Variants in DGKB observed in about 807,000 individuals in gnomAD.
The protein encoded by DGKB is 90 kDa diacylglycerol kinase.
DGKB carries 67 observed loss-of-function variants against 114.3 expected under a neutral mutation model. The observed-to-expected ratio is 0.59, with a 90% CI of 0.48 to 0.72. DGKB has a LOEUF of 0.72. Among genes scored for constraint, DGKB ranks in the 30% least tolerant of loss-of-function variants. The probability of loss-of-function intolerance (pLI) is 0.00; values close to 1 mark genes in which losing one functional copy is unlikely to be tolerated. For synonymous variants in DGKB, 398 were observed against 323.1 expected (o/e 1.23, Z -2.49); for missense variants, 907 against 975.2 (o/e 0.93, Z 0.93).
At chr7:14,616,234 A>G (rs1458758876) in intron 15 of DGKB, among the ~76,000 whole-genome samples, 1 of 148,558 alleles carries the variant, frequency 6.7e-6, no homozygotes, top group Non-Finnish European at 1.5e-5. Context: ...ATACATATAT[A>G]TATATACACA....
chr7:14,475,176 C>T (rs1463278471), intron 21 of DGKB, among the ~76,000 whole-genome samples: 1 of 151,932 alleles, frequency 6.6e-6, no homozygotes, highest in Non-Finnish European at 1.5e-5. Flanking sequence ...ATATTAATGG[C>T]ATGTGATTTA....
At chr7:14,761,171 G>GT (rs1480211451) in intron 2 of DGKB, among the ~76,000 whole-genome samples, 1 of 152,072 alleles carries the variant, frequency 6.6e-6, no homozygotes, top group Admixed American at 6.6e-5. Flanking sequence ...GCATTATCTT[G>GT]TTTTTGTATT....
At chr7:14,365,532 C>T (rs531860228) in intron 21 of DGKB, among the ~76,000 whole-genome samples, 28 of 151,990 alleles carry the variant, frequency 1.8e-4, no homozygotes, top group African/African-American at 3.9e-4. Flanking sequence ...TTTTTCTATA[C>T]GCTAGTATAA....
At chr7:14,551,300 C>G (rs937925275) in intron 20 of DGKB, among the ~76,000 whole-genome samples, 1 of 152,160 alleles carries the variant, frequency 6.6e-6, no homozygotes. Context: ...AACATAGACC[C>G]AATTCTGATT....
At chr7:14,356,076 T>A (rs1047369680) in intron 21 of DGKB, among the ~76,000 whole-genome samples, 3 of 152,192 alleles carry the variant, frequency 2.0e-5, no homozygotes, top group African/African-American at 7.2e-5. Flanking sequence ...GAGGTATTTA[T>A]AGTATTCTCT....
intron 23 of DGKB, among the ~76,000 whole-genome samples, chr7:14,286,982 A>T (rs1800971077): frequency 6.6e-6 from 1 of 152,048 alleles, no homozygotes; most frequent in Non-Finnish European, 1.5e-5. Flanking sequence ...ATATATACAC[A>T]TATTAACTTT....
intron 1 of DGKB, among the ~76,000 whole-genome samples, chr7:14,892,419 G>C (rs892722583): frequency 6.6e-6 from 1 of 151,218 alleles, no homozygotes; most frequent in Non-Finnish European, 1.5e-5. Context: ...ATCAGAAAGA[G>C]TAATAAGGAA....
intron 1 of DGKB, among the ~76,000 whole-genome samples, chr7:14,854,995 C>A (rs993627215): frequency 6.6e-6 from 1 of 152,028 alleles, no homozygotes; most frequent in African/African-American, 2.4e-5. Context: ...CCAAGAGACA[C>A]CCTTCAAATG....
At chr7:14,786,950 G>A (rs556216796) in intron 2 of DGKB, among the ~76,000 whole-genome samples, 1 of 152,346 alleles carries the variant, frequency 6.6e-6, no homozygotes, top group Admixed American at 6.5e-5. Context: ...CCTCTCCACT[G>A]AGAGCTGCAA....
At chr7:14,511,413 A>G (rs545464822) in intron 20 of DGKB, among the ~76,000 whole-genome samples, 4 of 152,250 alleles carry the variant, frequency 2.6e-5, no homozygotes, top group African/African-American at 9.6e-5. Flanking sequence ...CTAGCTTCCA[A>G]CTTTTCTTCT....
chr7:14,920,015 TATTCA>T (rs1230900064), intron 1 of DGKB, among the ~76,000 whole-genome samples: 11 of 152,322 alleles, frequency 7.2e-5, no homozygotes, highest in African/African-American at 2.2e-4. Context: ...CTGTCTCAGG[TATTCA>T]TTTATAGCAA....
intron 20 of DGKB, among the ~76,000 whole-genome samples, chr7:14,569,910 G>A (rs1018439249): frequency 6.6e-6 from 1 of 151,592 alleles, no homozygotes; most frequent in East Asian, 1.9e-4. Flanking sequence ...TATAGGTCAT[G>A]TGTATTTTTT....
intron 1 of DGKB, among the ~76,000 whole-genome samples, chr7:14,899,038 T>C (rs1166751794): frequency 6.6e-6 from 1 of 152,172 alleles, no homozygotes; most frequent in African/African-American, 2.4e-5. Context: ...TCTTAAAATA[T>C]TGTTTGGCTC....
chr7:14,173,408 A>C (rs1041526582), intron 25 of DGKB, among the ~76,000 whole-genome samples: 2 of 152,216 alleles, frequency 1.3e-5, no homozygotes, highest in Non-Finnish European at 2.9e-5. Flanking sequence ...ACCAAGTGCA[A>C]TCACATTGTT....
rs1562636317 is a variant in DGKB, at chr7:14,825,012, GTATGTATATA to G, written c.70+16172_70+16181del. 1.6e-4 allele frequency among the ~76,000 whole-genome samples: 10 copies of G among 60,844 alleles called. No homozygotes were observed. In the East Asian group the frequency reaches 4.6e-3, roughly 28 times the overall value. 39.9% of individuals were successfully genotyped at this position (60,844 alleles called of 152,430 possible). ...TATGTGTGTATATATATATGTATGT[GTATGTATATA>G]TATATATATATATATATATATATAT... On this transcript the variant is annotated intron_variant, in intron 2 of 25. Transcript: ENST00000402815.
At chr7:14,950,175 G>C (rs1031427694) in intron 1 of DGKB, among the ~76,000 whole-genome samples, 5 of 151,878 alleles carry the variant, frequency 3.3e-5, no homozygotes, top group African/African-American at 1.2e-4. Context: ...GATTACAGGA[G>C]AATCTTGAAA....
At position 14,152,863 on chromosome 7, in the gene DGKB, G is replaced by T. The variant is rs572191065; in HGVS notation, c.2305-3625C>A. 1.8e-4 allele frequency among the ~76,000 whole-genome samples: 28 copies of T among 152,134 alleles called. No homozygotes were observed. In the South Asian group the frequency reaches 2.7e-3, roughly 15 times the overall value. ...AACAGCCAGAATAAAAAATAACGTT[G>T]ATCTGGCTCTTACTGTGTGCTGAGC... On this transcript the variant is annotated intron_variant, in intron 25 of 25. Transcript: ENST00000402815.
chr7:14,250,912 G>GACTT (rs1795141805), intron 23 of DGKB, among the ~76,000 whole-genome samples: 1 of 152,046 alleles, frequency 6.6e-6, no homozygotes, highest in African/African-American at 2.4e-5. Context: ...GACAGGTTTG[G>GACTT]ACTTAAAATC....
chr7:14,962,896 A>C (rs1413784899), intron 1 of DGKB, among the ~76,000 whole-genome samples: 1 of 152,134 alleles, frequency 6.6e-6, no homozygotes, highest in Non-Finnish European at 1.5e-5. Context: ...GGCAAGATAT[A>C]AACTATATTG....
Sources: gnomAD v4.1 joint callset for allele counts (sites outside exome capture counted in the v4.1 genomes callset) on GRCh38, gnomAD v4.1.1 for gene constraint, MANE v1.5 for transcripts, NCBI Gene and HGNC (gene_info 2026-07-23, HGNC 2026-07-21) for gene names.